The following LHFPL4 variants were observed in gnomAD, a reference collection of about 807,000 sequenced individuals.
The protein encoded by LHFPL4 is LHFPL tetraspan subfamily member 4, also known as LHFPL tetraspan subfamily member 4 protein.
Under a neutral mutation model 20.0 loss-of-function variants are expected in LHFPL4, and 6 were observed. That is an observed-to-expected ratio of 0.30 (90% confidence interval 0.16 to 0.59). The LOEUF is 0.59. LHFPL4 is among the 20% of genes least tolerant of loss of function. The pLI is 0.88. For synonymous variants in LHFPL4, 129 were observed against 143.8 expected (o/e 0.90, Z 0.74); for missense variants, 215 against 331.2 (o/e 0.65, Z 2.72).
In LHFPL4 at chr3:9,503,792, A is replaced by G. The variant is rs2046195657; in HGVS notation, c.644-1481T>C. On this transcript the variant is annotated intron_variant, in intron 3 of 3. Transcript: ENST00000287585. Reference sequence around the variant, plus strand: ...TGTAATCTCAGCACTTTGGGAGGCCAAGGCGGAAGGATTGCTTGAAGCCAG... The same window carrying G: ...TGTAATCTCAGCACTTTGGGAGGCCGAGGCGGAAGGATTGCTTGAAGCCAG... Among the ~76,000 whole-genome samples, 4 of 152,340 alleles carry G rather than the reference A, an allele frequency of 2.6e-5. No homozygotes were observed. The South Asian group carries it at 8.3e-4, about 32-fold the overall frequency.
intron 2 of LHFPL4, among the ~76,000 whole-genome samples, chr3:9,538,972 T>C (rs2046460620): frequency 6.6e-6 from 1 of 152,028 alleles, no homozygotes; most frequent in African/African-American, 2.4e-5. Context: ...AGTGCTGGGA[T>C]TATAGATGTG....
chr3:9,527,866 G>C (rs1478322779), intron 2 of LHFPL4, among the ~76,000 whole-genome samples: 1 of 149,332 alleles, frequency 6.7e-6, no homozygotes, highest in Non-Finnish European at 1.5e-5. Flanking sequence ...ATACCCTGGG[G>C]ATATTGCGAG....
chr3:9,522,324 G>C (rs2046342950), intron 2 of LHFPL4, among the ~76,000 whole-genome samples: 1 of 152,026 alleles, frequency 6.6e-6, no homozygotes, highest in African/African-American at 2.4e-5. Context: ...ATAATCCTAT[G>C]TATGACTGTT....
intron 3 of LHFPL4, among the ~76,000 whole-genome samples, chr3:9,504,718 A>G (rs187697377): frequency 3.8e-4 from 57 of 151,582 alleles, no homozygotes; most frequent in Non-Finnish European, 6.9e-4. Flanking sequence ...CTAGCTACTC[A>G]GGAGGCTGAG....
At chr3:9,542,337 T>G (rs1419786866) in intron 2 of LHFPL4, among the ~76,000 whole-genome samples, 6 of 152,080 alleles carry the variant, frequency 3.9e-5, no homozygotes, top group Admixed American at 3.9e-4. Flanking sequence ...TTCTTCATAA[T>G]AGCCAAAAGG....
At chr3:9,538,982 G>C (rs1446431749) in intron 2 of LHFPL4, among the ~76,000 whole-genome samples, 1 of 151,994 alleles carries the variant, frequency 6.6e-6, no homozygotes, top group Non-Finnish European at 1.5e-5. Context: ...TTATAGATGT[G>C]AGCCACCACA....
chr3:9,531,630 C>T (rs547430323), intron 2 of LHFPL4, among the ~76,000 whole-genome samples: 1 of 152,170 alleles, frequency 6.6e-6, no homozygotes, highest in African/African-American at 2.4e-5. Flanking sequence ...GGTGAAACCC[C>T]GTCTCTACTA....
intron 2 of LHFPL4, among the ~76,000 whole-genome samples, chr3:9,513,452 T>C (rs9835420): frequency 0.53 from 79,898 of 151,826 alleles, 21,525 homozygotes; most frequent in African/African-American, 0.65. Context: ...CCACCTCAGC[T>C]TCCCAAGTAG....
chr3:9,512,292 G>A (rs1038241919), intron 2 of LHFPL4, among the ~76,000 whole-genome samples: 6 of 152,206 alleles, frequency 3.9e-5, no homozygotes, highest in Non-Finnish European at 7.4e-5. Flanking sequence ...CCTGTGAAAT[G>A]AGGATCATGA....
At chr3:9,511,350 C>CAAAAA (rs74730069) in intron 2 of LHFPL4, among the ~76,000 whole-genome samples, 1 of 122,166 alleles carries the variant, frequency 8.2e-6, no homozygotes, top group African/African-American at 3.0e-5. Context: ...GACTCCATCT[C>CAAAAA]AAAAAAAAAA....
At chr3:9,515,717 T>G (rs895861884) in intron 2 of LHFPL4, among the ~76,000 whole-genome samples, 20 of 147,630 alleles carry the variant, frequency 1.4e-4, no homozygotes, top group Non-Finnish European at 2.9e-4. Flanking sequence ...TTATCAGATA[T>G]GTCTTTTTTT....
At chr3:9,524,901 G>A (rs970318467) in intron 2 of LHFPL4, among the ~76,000 whole-genome samples, 2 of 152,150 alleles carry the variant, frequency 1.3e-5, no homozygotes, top group Non-Finnish European at 2.9e-5. Context: ...GTGGGAAGAG[G>A]GGAAGCATTC....
chr3:9,524,279 T>C (rs933338958), intron 2 of LHFPL4, among the ~76,000 whole-genome samples: 1 of 152,060 alleles, frequency 6.6e-6, no homozygotes, highest in African/African-American at 2.4e-5. Flanking sequence ...GATGTATGGT[T>C]TGGTGTCTAA....
At chr3:9,504,035 T>TA (rs1198557050) in intron 3 of LHFPL4, among the ~76,000 whole-genome samples, 8 of 151,074 alleles carry the variant, frequency 5.3e-5, no homozygotes, top group East Asian at 3.9e-4. Flanking sequence ...CCCAATCTCT[T>TA]AAAAAAATAC....
At chr3:9,531,043 G>T (rs1267292265) in intron 2 of LHFPL4, among the ~76,000 whole-genome samples, 1 of 152,200 alleles carries the variant, frequency 6.6e-6, no homozygotes, top group African/African-American at 2.4e-5. Context: ...GAGGGAGAGA[G>T]ACAGGGGAAC....
intron 2 of LHFPL4, among the ~76,000 whole-genome samples, chr3:9,525,848 T>G (rs2046371065): frequency 6.6e-6 from 1 of 152,236 alleles, no homozygotes. Flanking sequence ...ACCTCATTTT[T>G]ATATGTTATG....
chr3:9,525,727 A>C (rs930207647), intron 2 of LHFPL4, among the ~76,000 whole-genome samples: 1 of 152,234 alleles, frequency 6.6e-6, no homozygotes, highest in Non-Finnish European at 1.5e-5. Context: ...GAAAAAAAGC[A>C]ATCATAATTT....
chr3:9,504,419 T>C (rs2046201447), intron 3 of LHFPL4, among the ~76,000 whole-genome samples: 1 of 151,930 alleles, frequency 6.6e-6, no homozygotes, highest in African/African-American at 2.4e-5. Context: ...ACCCATAATT[T>C]GCATATACCT....
At chr3:9,552,153 G>C in intron 2 of LHFPL4, 121 bp downstream of exon 2, 1 of 1,316,178 alleles carries the variant, frequency 7.6e-7, no homozygotes, top group Non-Finnish European at 1.0e-6. Flanking sequence ...GTCAGCCAAA[G>C]AGGTGAGTGT....
Sources: gnomAD v4.1 joint callset for allele counts (sites outside exome capture counted in the v4.1 genomes callset) on GRCh38, gnomAD v4.1.1 for gene constraint, MANE v1.5 for transcripts, NCBI Gene and HGNC (gene_info 2026-07-23, HGNC 2026-07-21) for gene names.